The following SLC12A5 variants were observed in gnomAD, a reference collection of about 807,000 sequenced individuals.
The protein encoded by SLC12A5 is K-Cl cotransporter 2.
A neutral mutation model predicts 124.0 loss-of-function variants in SLC12A5; 18 were observed. That is an observed-to-expected ratio of 0.15 (90% CI 0.10 to 0.22). The LOEUF is 0.22. Among genes scored for constraint, SLC12A5 ranks in the 10% least tolerant of loss-of-function variants. The pLI, the probability that SLC12A5 is intolerant of heterozygous loss-of-function variation, is 1.00. For missense variants in SLC12A5, 867 were observed against 1,478.7 expected (o/e 0.59, Z 6.78); for synonymous variants, 589 against 568.0 (o/e 1.04, Z -0.53).
intron 8 of SLC12A5, 118 bp from the exon 9 acceptor site, chr20:46,043,035 G>A (rs1476594097): frequency 1.2e-5 from 12 of 969,536 alleles, no homozygotes; most frequent in East Asian, 4.8e-5. Context: ...AGATAAGGCC[G>A]GGGAGAGTGA....
chr20:46,052,860 G>T, intron 18 of SLC12A5, 97 bp from the exon 19 acceptor site: 1 of 1,355,710 alleles, frequency 7.4e-7, no homozygotes. Flanking sequence ...GAGTGGGGTG[G>T]AGTGCTGGCT....
At chr20:46,028,488 T>A (rs534668079), upstream of SLC12A5, among the ~76,000 whole-genome samples, 9 of 152,158 alleles carry the variant, frequency 5.9e-5, no homozygotes, top group South Asian at 1.9e-3. Flanking sequence ...CTGGGACTCT[T>A]GTCAGTCTAA....
chr20:46,023,126 G>C (rs375577787), intron 2 of SLC12A5: 22 of 398,368 alleles, frequency 5.5e-5, no homozygotes, highest in Non-Finnish European at 8.8e-5. Flanking sequence ...TAACCCTTAG[G>C]GGGTTATCTG....
At chr20:46,029,901 CGTAT>C (rs1332760053) in intron 1 of SLC12A5, among the ~76,000 whole-genome samples, 7 of 96,988 alleles carry the variant, frequency 7.2e-5, no homozygotes, top group South Asian at 6.3e-4. Flanking sequence ...CGCGCGCGTG[CGTAT>C]GTGTGTGTGT....
chr20:46,029,438 G>A (rs1248699284), intron 1 of SLC12A5, 42 bp downstream of exon 1: 2 of 1,541,754 alleles, frequency 1.3e-6, no homozygotes, highest in Non-Finnish European at 8.8e-7. Context: ...GGGCAGCGAG[G>A]AGAGGAGGCA....
intron 7 of SLC12A5, 111 bp from the exon 8 acceptor site, chr20:46,041,218 G>A (rs937660425): frequency 1.5e-5 from 13 of 860,954 alleles, no homozygotes; most frequent in Non-Finnish European, 1.4e-5. Context: ...GAGGAACTCT[G>A]GATATGGGGA....
In SLC12A5 at chr20:46,053,089, T is replaced by C; in HGVS notation, c.2510T>C (p.Met837Thr). 1 of 1,612,774 alleles carries C rather than the reference T, an allele frequency of 6.2e-7. No homozygotes were observed. The highest frequency in any genetic ancestry group is 8.5e-7 in the Non-Finnish European group (1 of 1,178,806). ...TGGTGGATTGTGCACGATGGAGGCA[T>C]GCTCATGCTGCTGCCCTTCCTGCTG... ...DVWWIVHDGG[M>T]LMLLPFLLRH... The change falls in exon 19 of 26, where the codon ATG becomes ACG. Residue 837 changes from methionine to threonine, a missense_variant. Transcript: ENST00000243964. This position sits in a 1 kb window ranked among gnomAD's most constrained non-coding sequence, Gnocchi z 4.7.
chr20:46,051,698 A>G lies in SLC12A5; in HGVS notation c.2205A>G (p.Ala735=). 6.2e-7 allele frequency: 1 copy of G among 1,609,094 alleles called. No homozygotes were observed. The highest frequency in any genetic ancestry group is 1.1e-5 in the South Asian group (1 of 90,218). ...AEESIRRLME[A]EKVKGFCQVV... is the part of the protein sequence containing the mutation. ...AGTCTATCAGGCGCCTGATGGAGGC[A>G]GAGAAGGTGAAGGGCTTCTGCCAGG... The change falls in exon 18 of 26, where the codon GCA becomes GCG. Residue 735 remains alanine, a synonymous_variant. Transcript: ENST00000243964.
At chr20:46,023,623 C>T, downstream of SLC12A5, 1 of 395,744 alleles carries the variant, frequency 2.5e-6, no homozygotes, top group Non-Finnish European at 4.4e-6. Flanking sequence ...GTGTTCTTGT[C>T]CACATTCATT....
chr20:46,021,799 C>G, upstream of SLC12A5: 1 of 1,533,296 alleles, frequency 6.5e-7, no homozygotes, highest in Non-Finnish European at 8.7e-7. Flanking sequence ...CTCGCTGCCC[C>G]CCGCAGGGCC....
rs777706352 is a variant in SLC12A5, at chr20:46,057,128, C to G, written c.3126-42C>G. On this transcript the variant is annotated intron_variant, in intron 24 of 25. Transcript: ENST00000243964. The surrounding 1 kb of genome is among the most constrained non-coding windows in gnomAD (Gnocchi z 7.1). Reference sequence around the variant, plus strand: ...GGCGACTGGCTCCAATCTTCTCTACCCCCCCGGCTCACGCGGTCTCCACTC... The same window carrying G: ...GGCGACTGGCTCCAATCTTCTCTACGCCCCCGGCTCACGCGGTCTCCACTC... 1 of 1,611,428 alleles carries G rather than the reference C, an allele frequency of 6.2e-7. No individual in the cohort carries two copies. The highest frequency in any genetic ancestry group is 1.3e-5 in the African/African-American group (1 of 74,966).
intron 4 of SLC12A5, 88 bp from the exon 5 acceptor site, chr20:46,036,653 G>T: frequency 7.1e-7 from 1 of 1,410,566 alleles, no homozygotes; most frequent in Non-Finnish European, 1.0e-6. Context: ...GGGTTTGGCT[G>T]GTGTTTATGG....
rs959667386 is a variant in SLC12A5 at position 46,043,857 on chromosome 20, C to T, written c.1337-19C>T. On this transcript the variant is annotated intron_variant, in intron 10 of 25. Coordinates refer to ENST00000243964, the MANE Select transcript of SLC12A5 (RefSeq NM_020708.5). The stretch of plus-strand genomic sequence containing the variant: ...GGGAGGACTGAACCGTGGGGATTCT[C>T]CTTTATCCTCTGCTGCAGACATCAG... 6.2e-7 allele frequency: 1 copy of T among 1,613,786 alleles called. No homozygotes were observed. The highest frequency in any genetic ancestry group is 8.5e-7 in the Non-Finnish European group (1 of 1,179,868).
At chr20:46,047,294 C>T (rs75763563) in intron 14 of SLC12A5, among the ~76,000 whole-genome samples, 160 bp from the exon 15 acceptor site, 4,307 of 152,270 alleles carry the variant, frequency 0.028, 156 homozygotes, top group Admixed American at 0.11. Context: ...CCCATATCCC[C>T]GTAGTCCTCA....
chr20:46,033,226 G>A (rs1418734500), intron 1 of SLC12A5, among the ~76,000 whole-genome samples: 5 of 152,164 alleles, frequency 3.3e-5, no homozygotes, highest in Admixed American at 1.3e-4. Flanking sequence ...AGACGCAGAC[G>A]GATGGAGATG....
intron 2 of SLC12A5, chr20:46,023,109 C>T: frequency 2.5e-6 from 1 of 399,262 alleles, no homozygotes; most frequent in Non-Finnish European, 4.4e-6. Context: ...CGCCGAAACC[C>T]CTAGAGTAAC....
chr20:46,041,647 T>TGA, intron 8 of SLC12A5, 107 bp downstream of exon 8: 3 of 1,162,732 alleles, frequency 2.6e-6, no homozygotes, highest in Non-Finnish European at 2.5e-6. Context: ...TTCAATCAGC[T>TGA]TTAATTGAGC....
At chr20:46,029,519 G>A in intron 1 of SLC12A5, 123 bp downstream of exon 1, 1 of 1,074,232 alleles carries the variant, frequency 9.3e-7, no homozygotes, top group Non-Finnish European at 1.3e-6. Flanking sequence ...CGGGCGGTGG[G>A]CGCCAGTTGC....
intron 18 of SLC12A5, 110 bp from the exon 19 acceptor site, chr20:46,052,847 T>C (rs888517843): frequency 4.9e-6 from 6 of 1,225,308 alleles, no homozygotes; most frequent in East Asian, 2.6e-5. Flanking sequence ...CCAAGGCCAG[T>C]TGGAGTGGGG....
Sources: allele counts gnomAD v4.1 joint callset (sites outside exome capture counted in the v4.1 genomes callset), GRCh38; gene constraint gnomAD v4.1.1; non-coding constraint Gnocchi (gnomAD v3.1); transcripts MANE v1.5; gene names NCBI Gene and HGNC (gene_info 2026-07-23, HGNC 2026-07-21).